The following AKAP12 variants were observed in gnomAD, a reference collection of about 807,000 sequenced individuals.
AKAP12 encodes A-kinase anchor protein 12.
AKAP12 carries 32 observed loss-of-function variants against 79.9 expected under a neutral mutation model. That is an observed-to-expected ratio of 0.40 (90% confidence interval 0.30 to 0.54). The LOEUF (loss-of-function observed/expected upper bound fraction) is 0.54, where lower values mean the gene tolerates loss of function less well. Ranked by LOEUF, AKAP12 falls within the 20% of genes least tolerant of loss-of-function variation. The pLI is 0.48. For synonymous variants in AKAP12, 808 were observed against 857.0 expected, an observed-to-expected ratio of 0.94 and a Z score of 1.00; for missense variants, 2,074 against 2,177.0, an observed-to-expected ratio of 0.95 and a Z score of 0.94.
chr6:151,325,667 C>T, intron 3 of AKAP12: 1 of 1,415,196 alleles, frequency 7.1e-7, no homozygotes, highest in Non-Finnish European at 9.2e-7. Context: ...GGAAATGCAT[C>T]CGCGCTCTGC....
intron 2 of AKAP12, among the ~76,000 whole-genome samples, chr6:151,250,679 C>G (rs1209300737): frequency 6.7e-6 from 1 of 149,988 alleles, no homozygotes; most frequent in Non-Finnish European, 1.5e-5. Flanking sequence ...GATCTCGGCT[C>G]ACTGCAAACT....
chr6:151,270,130 C>T (rs1562714859), intron 2 of AKAP12, among the ~76,000 whole-genome samples: 1 of 152,196 alleles, frequency 6.6e-6, no homozygotes, highest in Non-Finnish European at 1.5e-5. Context: ...GATCTTGGCT[C>T]ACTGCAACCT....
At chr6:151,325,404 C>A (rs932707100) in intron 3 of AKAP12, 31 of 985,446 alleles carry the variant, frequency 3.1e-5, no homozygotes, top group Non-Finnish European at 3.7e-5. Context: ...ATCCAATGCG[C>A]CGGCTCCAGC....
chr6:151,311,041 C>T lies in AKAP12; in HGVS notation c.319+5138C>T, dbSNP rs537785162. The stretch of plus-strand genomic sequence containing the variant: ...AGAGTGCAGTAGTGCAATCATGGTT[C>T]GACGTAGCCTCAAACTTCTGGGCAC... On this transcript the variant is annotated intron_variant, in intron 3 of 4. Transcript: ENST00000402676. 1.1e-3 allele frequency among the ~76,000 whole-genome samples: 168 copies of T among 152,190 alleles called. 1 individual carries two copies. The highest frequency in any genetic ancestry group is 2.0e-3 in the African/African-American group (82 of 41,526).
At chr6:151,348,285 A>G in intron 3 of AKAP12, 1 of 440,936 alleles carries the variant, frequency 2.3e-6, no homozygotes, top group South Asian at 1.6e-5. Context: ...AGATCGTGCC[A>G]CTGTGCTCCA....
chr6:151,245,935 A>T (rs1020939807), intron 2 of AKAP12, among the ~76,000 whole-genome samples: 3 of 152,208 alleles, frequency 2.0e-5, no homozygotes, highest in Non-Finnish European at 1.5e-5. Flanking sequence ...TATCACATAT[A>T]GATTTAGGTT....
At chr6:151,336,347 GT>G (rs1269288028) in intron 3 of AKAP12, among the ~76,000 whole-genome samples, 2 of 152,124 alleles carry the variant, frequency 1.3e-5, no homozygotes, top group African/African-American at 2.4e-5. Context: ...TCTCCATATT[GT>G]TTTCTATAGC....
At chr6:151,277,627 C>T (rs1776311323) in intron 2 of AKAP12, among the ~76,000 whole-genome samples, 1 of 152,226 alleles carries the variant, frequency 6.6e-6, no homozygotes, top group Non-Finnish European at 1.5e-5. Context: ...TTTAAACCTG[C>T]AAGCAGACTC....
Position 151,351,175 on chromosome 6 carries a change from A to C in AKAP12, c.2784A>C (p.Glu928Asp). Residue 928 changes from glutamate to aspartate, a missense_variant, in exon 4 of 5, where the codon GAA (glutamate) becomes GAC (aspartate). Coordinates refer to ENST00000402676, the MANE Select transcript of AKAP12 (RefSeq NM_005100.4). This position sits in a 1 kb window ranked among gnomAD's most constrained non-coding sequence, Gnocchi z 4.4. The stretch of plus-strand genomic sequence containing the variant: ...AACCTCTTGAACAAGTAGAAGCTGA[A>C]GCCGCACTGTTAACTGAGGAGGTAT... The part of the protein sequence containing the change: ...VTEPLEQVEA[E>D]AALLTEEVLE... 6.2e-7 allele frequency: 1 copy of C among 1,614,228 alleles called. No homozygotes were observed. Among genetic ancestry groups the C allele is most frequent in the Non-Finnish European group, 8.5e-7 (1 of 1,180,046 alleles).
intron 2 of AKAP12, 146 bp downstream of exon 2, chr6:151,240,870 T>C: frequency 1.2e-6 from 1 of 812,468 alleles, no homozygotes; most frequent in South Asian, 6.3e-5. Flanking sequence ...AACCCCTCTT[T>C]GGAGGCTTTT....
intron 3 of AKAP12, chr6:151,325,659 A>G: frequency 7.1e-7 from 1 of 1,408,884 alleles, no homozygotes; most frequent in Non-Finnish European, 9.2e-7. Flanking sequence ...TTATCTGGGG[A>G]AATGCATCCG....
At chr6:151,347,448 G>T (rs1285149685) in intron 3 of AKAP12, among the ~76,000 whole-genome samples, 1 of 152,158 alleles carries the variant, frequency 6.6e-6, no homozygotes, top group Non-Finnish European at 1.5e-5. Context: ...TTAAAATATG[G>T]GTGTGATGTG....
In AKAP12 at chr6:151,350,303, G is replaced by A. The variant is rs1278776033; in HGVS notation, c.1912G>A (p.Val638Ile). The change falls in exon 4 of 5, where the codon GTC becomes ATC. Residue 638 changes from valine (V) to isoleucine (I), a missense_variant. Around this residue, in one of 3 missense-constraint regions of AKAP12, gnomAD observed 1,428 missense variants for 1,451.0 expected, o/e 0.98. Transcript: ENST00000402676. The surrounding 1 kb of genome is among the most constrained non-coding windows in gnomAD (Gnocchi z 4.8). ...TGATAAAGAAGATGAGCTGGACAAG[G>A]TCAAGAGCGCTACCTTGTCTTCCAC... Reference protein sequence around the residue: ...ESDKEDELDKVKSATLSSTES... With the variant: ...ESDKEDELDKIKSATLSSTES... 5.0e-6 allele frequency: 8 copies of A among 1,613,952 alleles called. No individual in the cohort carries two copies. In the Admixed American group the frequency reaches 1.3e-4, roughly 27 times the overall value.
At chr6:151,253,447 C>T (rs1797228488) in intron 2 of AKAP12, among the ~76,000 whole-genome samples, 2 of 151,802 alleles carry the variant, frequency 1.3e-5, no homozygotes, top group Non-Finnish European at 2.9e-5. Flanking sequence ...AGGCTGGTCT[C>T]GAATTCTTGG....
At chr6:151,280,763 C>T (rs1776388849) in intron 2 of AKAP12, among the ~76,000 whole-genome samples, 2 of 151,794 alleles carry the variant, frequency 1.3e-5, no homozygotes, top group Non-Finnish European at 2.9e-5. Context: ...ACTTCAGCCC[C>T]CCGAGTAGCT....
intron 3 of AKAP12, among the ~76,000 whole-genome samples, chr6:151,343,182 G>T (rs947589970): frequency 3.9e-5 from 6 of 152,274 alleles, no homozygotes; most frequent in African/African-American, 1.4e-4. Flanking sequence ...TGGAAACACA[G>T]ATTTAAGAGT....
chr6:151,319,061 C>T (rs1163726161), intron 3 of AKAP12, among the ~76,000 whole-genome samples: 2 of 152,138 alleles, frequency 1.3e-5, no homozygotes, highest in Non-Finnish European at 2.9e-5. Context: ...TATGTGGACT[C>T]AAGGAGAGAA....
chr6:151,240,356 C>CTTT, intron 1 of AKAP12, 28 bp from the exon 2 acceptor site: 3 of 387,970 alleles, frequency 7.7e-6, no homozygotes, highest in South Asian at 7.5e-5. Context: ...AAGAGGTGGC[C>CTTT]TTTTTTTTTT....
At chr6:151,304,513 A>AAAAAAAAAAAAAG (rs1776933741) in intron 2 of AKAP12, among the ~76,000 whole-genome samples, 1 of 143,682 alleles carries the variant, frequency 7.0e-6, no homozygotes, top group Non-Finnish European at 1.5e-5. Flanking sequence ...AAAAAAAAAA[A>AAAAAAAAAAAAAG]AAAAAAGGAT....
Sources: gnomAD v4.1 joint callset for allele counts (sites outside exome capture counted in the v4.1 genomes callset) on GRCh38, gnomAD v4.1.1 for gene constraint, gnomAD v4.1.1 regional missense constraint, Gnocchi (gnomAD v3.1) non-coding constraint, MANE v1.5 for transcripts, NCBI Gene and HGNC (gene_info 2026-07-23, HGNC 2026-07-21) for gene names.